The following CNTN5 variants were observed in gnomAD, a reference collection of about 807,000 sequenced individuals.
CNTN5 encodes contactin-5.
In CNTN5, 77 loss-of-function variants were observed where a neutral mutation model predicts 129.1. The observed-to-expected ratio is 0.60, with a 90% CI of 0.50 to 0.72. The LOEUF (loss-of-function observed/expected upper bound fraction) is 0.72. Among genes scored for constraint, CNTN5 ranks in the 30% least tolerant of loss-of-function variants. CNTN5 has a pLI of 0.00. For missense variants in CNTN5, 1,478 were observed against 1,328.8 expected (o/e 1.11, Z -1.75); for synonymous variants, 509 against 465.6 (o/e 1.09, Z -1.20).
chr11:99,175,044 G>T (rs1032073814), intron 1 of CNTN5, among the ~76,000 whole-genome samples: 1 of 151,960 alleles, frequency 6.6e-6, no homozygotes, highest in Non-Finnish European at 1.5e-5. Context: ...ACCAGCCTTG[G>T]CAACAAAGTA....
chr11:99,768,184 T>A (rs2135318239), intron 3 of CNTN5, among the ~76,000 whole-genome samples: 1 of 152,234 alleles, frequency 6.6e-6, no homozygotes, highest in African/African-American at 2.4e-5. Flanking sequence ...ATTAAAATTT[T>A]GCTACATCTG....
chr11:99,422,473 T>C (rs79762407), intron 2 of CNTN5, among the ~76,000 whole-genome samples: 8,061 of 145,802 alleles, frequency 0.055, 552 homozygotes, highest in East Asian at 0.3. Context: ...AGGGTTTACA[T>C]CCTGATTATT....
intron 1 of CNTN5, among the ~76,000 whole-genome samples, chr11:99,102,447 T>G (rs1866783298): frequency 6.6e-6 from 1 of 152,168 alleles, no homozygotes; most frequent in Admixed American, 6.5e-5. Context: ...TGTGTTTCCC[T>G]TTTAAAACTG....
At chr11:100,098,346 CCT>C (rs1476566248) in intron 13 of CNTN5, among the ~76,000 whole-genome samples, 2 of 151,866 alleles carry the variant, frequency 1.3e-5, no homozygotes, top group African/African-American at 4.8e-5. Flanking sequence ...TATATTTACC[CCT>C]GACTTTAGTA....
chr11:99,343,737 C>T (rs1866627619), intron 2 of CNTN5, among the ~76,000 whole-genome samples: 1 of 152,076 alleles, frequency 6.6e-6, no homozygotes, highest in South Asian at 2.1e-4. Flanking sequence ...AATGACCAGT[C>T]ATTCATTTAA....
At chr11:99,518,656 C>A (rs2135431658) in intron 2 of CNTN5, among the ~76,000 whole-genome samples, 1 of 152,184 alleles carries the variant, frequency 6.6e-6, no homozygotes, top group South Asian at 2.1e-4. Flanking sequence ...ATACTATAAG[C>A]TTATGGTCTT....
chr11:100,286,059 A>T (rs1352210713), intron 18 of CNTN5, among the ~76,000 whole-genome samples: 2 of 152,130 alleles, frequency 1.3e-5, no homozygotes, highest in Non-Finnish European at 2.9e-5. Context: ...GGCTTAAAAA[A>T]CGGCCCAACA....
chr11:99,994,615 A>C (rs1939329562), intron 8 of CNTN5, among the ~76,000 whole-genome samples: 1 of 152,216 alleles, frequency 6.6e-6, no homozygotes, highest in Non-Finnish European at 1.5e-5. Context: ...ATGATAAATC[A>C]GGTGTTATTG....
At chr11:100,306,343 G>T (rs1037453820) in intron 20 of CNTN5, among the ~76,000 whole-genome samples, 1 of 151,618 alleles carries the variant, frequency 6.6e-6, no homozygotes, top group Non-Finnish European at 1.5e-5. Flanking sequence ...AGTTGATAGA[G>T]AAATAATTCC....
chr11:99,194,795 G>A (rs1057399956), intron 1 of CNTN5, among the ~76,000 whole-genome samples: 6 of 151,974 alleles, frequency 3.9e-5, no homozygotes, highest in African/African-American at 1.4e-4. Context: ...AGTAGAGATG[G>A]GGTTTCATCG....
chr11:100,032,355 T>G (rs1347241190), intron 9 of CNTN5, among the ~76,000 whole-genome samples: 3 of 152,152 alleles, frequency 2.0e-5, no homozygotes, highest in Non-Finnish European at 4.4e-5. Context: ...ATTTAAATAT[T>G]ATTATCAATT....
chr11:99,099,367 C>T lies in CNTN5; in HGVS notation c.-210+78097C>T, dbSNP rs17132999. On this transcript the variant is annotated intron_variant, in intron 1 of 24. Coordinates refer to ENST00000524871, the MANE Select transcript of CNTN5 (RefSeq NM_014361.4). ...ATTTTAGCTTGAAAGGCACCATTCT[C>T]TTCATTCCAAATTTAAAATACCTGG... is the stretch of plus-strand genomic sequence containing the variant. Among the ~76,000 whole-genome samples the T allele has an allele frequency of 2.9e-3, 435 of 152,202 alleles. 1 individual carries two copies. The highest frequency in any genetic ancestry group is 0.01 in the African/African-American group (421 of 41,554).
intron 3 of CNTN5, among the ~76,000 whole-genome samples, chr11:99,634,624 C>G (rs547504026): frequency 6.6e-6 from 1 of 152,148 alleles, no homozygotes; most frequent in African/African-American, 2.4e-5. Context: ...GTTAGTCTCT[C>G]TTAGTCTAAT....
At chr11:99,269,982 T>G (rs990557681) in intron 1 of CNTN5, among the ~76,000 whole-genome samples, 1 of 151,848 alleles carries the variant, frequency 6.6e-6, no homozygotes, top group African/African-American at 2.4e-5. Context: ...TTGGTAAACA[T>G]TTACATGCTA....
At chr11:99,471,790 C>T (rs1011680953) in intron 2 of CNTN5, among the ~76,000 whole-genome samples, 5 of 151,928 alleles carry the variant, frequency 3.3e-5, no homozygotes, top group Non-Finnish European at 1.5e-5. Flanking sequence ...TGATAGTAAC[C>T]ACTCTGTAAT....
chr11:99,820,405 C>G (rs981616619), intron 4 of CNTN5, among the ~76,000 whole-genome samples: 2 of 152,280 alleles, frequency 1.3e-5, no homozygotes, highest in Non-Finnish European at 2.9e-5. Context: ...TAAGTATATA[C>G]TTAGCATTAC....
chr11:99,108,051 C>T (rs967870391), intron 1 of CNTN5, among the ~76,000 whole-genome samples: 3 of 150,470 alleles, frequency 2.0e-5, no homozygotes, highest in African/African-American at 7.3e-5. Flanking sequence ...GTGTGTATTC[C>T]TTTTTAGTAA....
At chr11:99,237,518 TA>T (rs1344497940) in intron 1 of CNTN5, among the ~76,000 whole-genome samples, 1 of 152,010 alleles carries the variant, frequency 6.6e-6, no homozygotes, top group Non-Finnish European at 1.5e-5. Context: ...CTGTCTCTAC[TA>T]AAATATGAAA....
At chr11:99,147,562 C>G (rs931411066) in intron 1 of CNTN5, among the ~76,000 whole-genome samples, 3 of 152,146 alleles carry the variant, frequency 2.0e-5, no homozygotes, top group Non-Finnish European at 4.4e-5. Context: ...CAGACCACAT[C>G]TATCACAAGA....
Sources: allele counts gnomAD v4.1 joint callset (sites outside exome capture counted in the v4.1 genomes callset), GRCh38; gene constraint gnomAD v4.1.1; transcripts MANE v1.5; gene names NCBI Gene and HGNC (gene_info 2026-07-23, HGNC 2026-07-21).